Variants in FMN1 observed in about 807,000 individuals in gnomAD.
FMN1 encodes formin-1.
FMN1 carries 110 observed loss-of-function variants against 132.4 expected under a neutral mutation model. The observed-to-expected ratio is 0.83, with a 90% confidence interval of 0.71 to 0.97. The LOEUF (loss-of-function observed/expected upper bound fraction) is 0.97, where lower values mean the gene tolerates loss of function less well. Among genes scored for constraint, FMN1 ranks in the 50% least tolerant of loss-of-function variants. The pLI is 0.00. For synonymous variants in FMN1, 722 were observed against 651.7 expected (o/e 1.11, Z -1.64); for missense variants, 1,792 against 1,705.3 (o/e 1.05, Z -0.90).
intron 3 of FMN1, among the ~76,000 whole-genome samples, chr15:33,158,450 A>G (rs11637738): frequency 0.36 from 54,661 of 151,978 alleles, 11,888 homozygotes; most frequent in Admixed American, 0.46. Flanking sequence ...AAAAGAAAAA[A>G]AAAAAGAACT....
chr15:33,002,338 A>G (rs1037556493), intron 7 of FMN1, among the ~76,000 whole-genome samples: 3 of 152,212 alleles, frequency 2.0e-5, no homozygotes, highest in African/African-American at 7.2e-5. Flanking sequence ...AAGCATCAAC[A>G]TATTTTTCCC....
intron 4 of FMN1, among the ~76,000 whole-genome samples, chr15:33,104,808 G>A (rs2039422645): frequency 6.6e-6 from 1 of 151,982 alleles, no homozygotes; most frequent in East Asian, 1.9e-4. Flanking sequence ...TTTACTAAAG[G>A]GATTTGACAC....
At chr15:33,070,468 G>A (rs1228723448) in intron 5 of FMN1, among the ~76,000 whole-genome samples, 1 of 150,654 alleles carries the variant, frequency 6.6e-6, no homozygotes. Flanking sequence ...TAAGCTTCCA[G>A]GCCCCTCTAT....
At chr15:32,856,415 C>T (rs1293526518) in intron 17 of FMN1, among the ~76,000 whole-genome samples, 2 of 152,294 alleles carry the variant, frequency 1.3e-5, no homozygotes, top group Non-Finnish European at 2.9e-5. Context: ...CATGCCAAAA[C>T]TGTGAAGGAA....
At position 32,767,223 on chromosome 15, in the gene FMN1, T is replaced by C. The variant is rs866265904; in HGVS notation, c.*7087A>G. On this transcript the variant is annotated 3_prime_UTR_variant, in exon 21 of 21. Coordinates refer to ENST00000616417, the MANE Select transcript of FMN1 (RefSeq NM_001277313.2). ...TTTTCTCCTCCATGCGTCCTTTTTT[T>C]CTTGCTCATCCCATTGCTTGCAAAC... The C allele has an allele frequency of 6.6e-6, 1 of 152,222 alleles. No individual in the cohort carries two copies. The highest frequency in any genetic ancestry group is 1.5e-5 in the Non-Finnish European group (1 of 68,030). The allele number at this position is 152,222 out of a possible 1,614,324, so 9.4% of individuals were successfully genotyped here. A position where few individuals can be genotyped will look rare whatever the true frequency, so the allele number is the denominator to read the frequency against.
At chr15:32,964,340 T>C in intron 8 of FMN1, 83 bp from the exon 9 acceptor site, 1 of 1,004,834 alleles carries the variant, frequency 1.0e-6, no homozygotes, top group East Asian at 2.4e-5. Flanking sequence ...CTAATCCATT[T>C]TTTAATTTCA....
At chr15:32,885,229 T>C (rs780432812) in intron 16 of FMN1, among the ~76,000 whole-genome samples, 6 of 152,320 alleles carry the variant, frequency 3.9e-5, no homozygotes, top group Middle Eastern at 6.8e-3. Context: ...CCAAAGCAAG[T>C]TCCTTCCTGT....
intron 6 of FMN1, among the ~76,000 whole-genome samples, chr15:33,018,595 C>T (rs345833): frequency 0.64 from 96,922 of 151,920 alleles, 32,045 homozygotes; most frequent in Non-Finnish European, 0.72. Flanking sequence ...GCCCTTCCCC[C>T]GTACCTTGTC....
intron 16 of FMN1, among the ~76,000 whole-genome samples, chr15:32,878,404 C>G (rs551704): frequency 0.093 from 14,203 of 152,068 alleles, 1,523 homozygotes; most frequent in African/African-American, 0.26. Context: ...CAAAGGAAGA[C>G]CAAGAGTGGA....
chr15:33,182,448 A>C (rs529076301), intron 2 of FMN1, among the ~76,000 whole-genome samples: 1 of 152,324 alleles, frequency 6.6e-6, no homozygotes, highest in Non-Finnish European at 1.5e-5. Flanking sequence ...AATCGCCCTC[A>C]ACCTGCCCTA....
At chr15:32,882,382 A>C (rs756615248) in intron 16 of FMN1, among the ~76,000 whole-genome samples, 4 of 152,224 alleles carry the variant, frequency 2.6e-5, no homozygotes, top group Non-Finnish European at 4.4e-5. Context: ...AGTTTTAAGA[A>C]ATAGAAATGA....
chr15:33,002,050 G>C (rs192089996), intron 7 of FMN1, among the ~76,000 whole-genome samples: 146 of 152,222 alleles, frequency 9.6e-4, no homozygotes, highest in African/African-American at 3.4e-3. Context: ...AAACAAAATG[G>C]AAAGTTCTCT....
intron 6 of FMN1, among the ~76,000 whole-genome samples, chr15:33,049,595 G>A (rs1256852150): frequency 6.6e-6 from 1 of 152,182 alleles, no homozygotes; most frequent in Non-Finnish European, 1.5e-5. Flanking sequence ...GTTAAATCAA[G>A]TTTAGTCTAA....
At chr15:32,994,230 T>TCACACA (rs1555375432) in intron 7 of FMN1, among the ~76,000 whole-genome samples, 1 of 28,152 alleles carries the variant, frequency 3.6e-5, no homozygotes, top group African/African-American at 7.5e-5. Flanking sequence ...TCTCTCTCTC[T>TCACACA]CTCACACACA....
intron 6 of FMN1, among the ~76,000 whole-genome samples, chr15:33,052,441 A>G (rs144663247): frequency 6.4e-4 from 98 of 152,340 alleles, no homozygotes; most frequent in African/African-American, 2.3e-3. Flanking sequence ...TTAAACAAAT[A>G]CACAAAAAGG....
chr15:32,910,178 C>A (rs962371195), intron 11 of FMN1, among the ~76,000 whole-genome samples: 6 of 152,204 alleles, frequency 3.9e-5, no homozygotes, highest in Non-Finnish European at 1.5e-5. Context: ...AGGCAGCTTA[C>A]CTTCATTCAC....
At chr15:32,914,365 A>C (rs7182663) in intron 10 of FMN1, among the ~76,000 whole-genome samples, 9,757 of 152,264 alleles carry the variant, frequency 0.064, 454 homozygotes, top group Middle Eastern at 0.15. Flanking sequence ...GAAGGATACA[A>C]AACATTCCAG....
chr15:33,075,423 C>T (rs1415043624), intron 5 of FMN1, among the ~76,000 whole-genome samples: 3 of 152,174 alleles, frequency 2.0e-5, no homozygotes, highest in Non-Finnish European at 2.9e-5. Context: ...CTACATACAA[C>T]ACACCTCCGC....
intron 7 of FMN1, among the ~76,000 whole-genome samples, chr15:32,976,272 G>A (rs918735894): frequency 5.9e-5 from 9 of 152,124 alleles, no homozygotes; most frequent in Admixed American, 3.9e-4. Context: ...TCTGAAAAGT[G>A]CAGCGTGAGC....
Sources: allele counts gnomAD v4.1 joint callset (sites outside exome capture counted in the v4.1 genomes callset), GRCh38; gene constraint gnomAD v4.1.1; transcripts MANE v1.5; gene names NCBI Gene and HGNC (gene_info 2026-07-23, HGNC 2026-07-21).